Variants in TSPAN17 observed in about 807,000 individuals in gnomAD.
TSPAN17 encodes tetraspanin 17.
Under a neutral mutation model 40.5 loss-of-function variants are expected in TSPAN17, and 33 were observed. That is an observed-to-expected ratio of 0.81 (90% CI 0.62 to 1.09). The LOEUF is 1.09. TSPAN17 is among the 50% of genes least tolerant of loss of function. The pLI, the probability that TSPAN17 is intolerant of heterozygous loss-of-function variation, is 0.00. For missense variants in TSPAN17, 365 were observed against 416.8 expected (o/e 0.88, Z 1.08); for synonymous variants, 166 against 169.4 (o/e 0.98, Z 0.15).
chr5:176,658,856 C>T lies in TSPAN17; in HGVS notation c.*1158C>T, dbSNP rs1400562237. 2 of 152,292 alleles carry T rather than the reference C, an allele frequency of 1.3e-5. No homozygotes were observed. The highest frequency in any genetic ancestry group is 4.8e-5 in the African/African-American group (2 of 41,480). The allele number at this position is 152,292 out of a possible 1,614,324, so 9.4% of individuals were successfully genotyped here. A position where few individuals can be genotyped will look rare whatever the true frequency, so the allele number is the denominator to read the frequency against. ...GCTTTGGCCCCATGCCCCTGTAGGT[C>T]CCTCTGGGACAGTCACCGCTGGGGT... On this transcript the variant is annotated 3_prime_UTR_variant, in exon 9 of 9. Transcript: ENST00000508164.
Position 176,656,824 on chromosome 5 carries a change from T to C in TSPAN17, c.747+8T>C. The stretch of plus-strand genomic sequence containing the variant: ...GGCATCGCCCTCCTCCAGGTACCCT[T>C]GTGGCCCCACGTGCCCCTCCCCTTG... On this transcript the variant is annotated splice_region_variant and intron_variant, in intron 7 of 8. Transcript: ENST00000508164. 1 of 1,614,182 alleles carries C rather than the reference T, an allele frequency of 6.2e-7. No individual in the cohort carries two copies. Among genetic ancestry groups the C allele is most frequent in the Non-Finnish European group, 8.5e-7 (1 of 1,180,000 alleles).
Position 176,656,203 on chromosome 5 carries a change from T to C in TSPAN17, c.630+78T>C, listed in dbSNP as rs1761151138. 6 of 1,471,840 alleles carry C rather than the reference T, an allele frequency of 4.1e-6. No homozygotes were observed. The South Asian group carries it at 7.2e-5, about 18-fold the overall frequency. The allele number at this position is 1,471,840 out of a possible 1,614,324, so 91.2% of individuals were successfully genotyped here. A position where few individuals can be genotyped will look rare whatever the true frequency, so the allele number is the denominator to read the frequency against. ...GTATGAGAGTGTCTATAACCTCCTC[T>C]GGAAGGCCTCAGGGATTCTTTGGGG... is the stretch of plus-strand genomic sequence containing the variant. On this transcript the variant is annotated intron_variant, in intron 6 of 8. Transcript: ENST00000508164.
chr5:176,657,635 C>T lies in TSPAN17; in HGVS notation c.927C>T (p.Pro309=). Residue 309 remains proline, a synonymous_variant, in exon 9 of 9, where the codon CCC becomes CCT. Coordinates refer to ENST00000508164, the MANE Select transcript of TSPAN17 (RefSeq NM_130465.5). ...SLTGAPGPAP[P]SRHVFFGLGG... Reference sequence around the variant, plus strand: ...CTGGGGCCCCTGGCCCGGCCCCACCCAGCCGACATGTTTTCTTTGGCCTGG... The same window carrying T: ...CTGGGGCCCCTGGCCCGGCCCCACCTAGCCGACATGTTTTCTTTGGCCTGG... 7 of 1,612,504 alleles carry T rather than the reference C, an allele frequency of 4.3e-6. No homozygotes were observed. The highest frequency in any genetic ancestry group is 5.9e-6 in the Non-Finnish European group (7 of 1,179,690).
Position 176,657,462 on chromosome 5 carries a change from G to A in TSPAN17, c.810-56G>A, listed in dbSNP as rs1047879757. 4 of 1,549,852 alleles carry A rather than the reference G, an allele frequency of 2.6e-6. No individual in the cohort carries two copies. The African/African-American group carries it at 5.5e-5, about 21-fold the overall frequency. ...CTGCCAGGAACCCACCTCAGCCTCA[G>A]TGTCCCAGACTCTGAAATGGGTCCA... On this transcript the variant is annotated intron_variant, in intron 8 of 8. Transcript: ENST00000508164.
Position 176,651,088 on chromosome 5 carries a change from C to T in TSPAN17, c.88-528C>T, listed in dbSNP as rs949057207. ...TTCCTGTCATTCAGGGGTGTCTGGT[C>T]GTGAGCCGTGGAAGCTGACTCTGGC... On this transcript the variant is annotated intron_variant, in intron 1 of 8. Transcript: ENST00000508164. This position sits in a 1 kb window ranked among gnomAD's most constrained non-coding sequence, Gnocchi z 4.5. 6.6e-6 allele frequency among the ~76,000 whole-genome samples: 1 copy of T among 151,908 alleles called. No homozygotes were observed. The highest frequency in any genetic ancestry group is 1.5e-5 in the Non-Finnish European group (1 of 67,982).
At chr5:176,652,376 C>A (rs1419410546) in intron 3 of TSPAN17, among the ~76,000 whole-genome samples, 1 of 152,148 alleles carries the variant, frequency 6.6e-6, no homozygotes, top group African/African-American at 2.4e-5. Context: ...TGGACCAATC[C>A]CTGGAGGCCG....
rs527807721 is a variant in TSPAN17, at chr5:176,658,578, G to A, written c.*880G>A. ...GAGAGAAAGTTCGCACAATCTAGTC[G>A]GTAACAGCCACTTTCCTTGAGACCA... is the stretch of plus-strand genomic sequence containing the variant. On this transcript the variant is annotated 3_prime_UTR_variant, in exon 9 of 9. Transcript: ENST00000508164. 2 of 152,358 alleles carry A rather than the reference G, an allele frequency of 1.3e-5. No individual in the cohort carries two copies. The highest frequency in any genetic ancestry group is 2.1e-4 in the South Asian group (1 of 4,828). The allele number at this position is 152,358 out of a possible 1,614,324, so 9.4% of individuals were successfully genotyped here.
chr5:176,648,462 T>C (rs537934512), intron 1 of TSPAN17, among the ~76,000 whole-genome samples: 1 of 152,344 alleles, frequency 6.6e-6, no homozygotes, highest in African/African-American at 2.4e-5. Flanking sequence ...AGGTCATTTT[T>C]CCCATCTCTC....
chr5:176,656,391 G>A (rs1761158104), intron 6 of TSPAN17, among the ~76,000 whole-genome samples: 1 of 152,258 alleles, frequency 6.6e-6, no homozygotes, highest in Non-Finnish European at 1.5e-5. Context: ...TCATGAGACA[G>A]TCGGCTCTGG....
intron 6 of TSPAN17, among the ~76,000 whole-genome samples, 162 bp from the exon 7 acceptor site, chr5:176,656,538 C>T (rs113333901): frequency 5.3e-4 from 80 of 152,284 alleles, no homozygotes; most frequent in African/African-American, 1.9e-3. Context: ...GGGCGTGCAT[C>T]TGTGCTGAGA....
Position 176,651,125 on chromosome 5 carries a change from A to T in TSPAN17, c.88-491A>T, listed in dbSNP as rs1367001811. On this transcript the variant is annotated intron_variant, in intron 1 of 8. Transcript: ENST00000508164. This position sits in a 1 kb window ranked among gnomAD's most constrained non-coding sequence, Gnocchi z 4.5. ...AAGCTGACTCTGGCAGGCGGAGGTT[A>T]AAGGGGTAGGATGGGGCTGGGCTGG... is the stretch of plus-strand genomic sequence containing the variant. Among the ~76,000 whole-genome samples, 1 of 152,114 alleles carries T rather than the reference A, an allele frequency of 6.6e-6. No homozygotes were observed. Among genetic ancestry groups the T allele is most frequent in the African/African-American group, 2.4e-5 (1 of 41,432 alleles).
At position 176,650,191 on chromosome 5, in the gene TSPAN17, C is replaced by T. The variant is rs1282391088; in HGVS notation, c.88-1425C>T. Among the ~76,000 whole-genome samples the T allele has an allele frequency of 1.3e-5, 2 of 152,054 alleles. No individual in the cohort carries two copies. Among genetic ancestry groups the T allele is most frequent in the African/African-American group, 4.8e-5 (2 of 41,398 alleles). On this transcript the variant is annotated intron_variant, in intron 1 of 8. Coordinates refer to ENST00000508164, the MANE Select transcript of TSPAN17 (RefSeq NM_130465.5). The surrounding 1 kb of genome is among the most constrained non-coding windows in gnomAD (Gnocchi z 4.0). ...GCGGGTGGACGTAGGGGTGTGGGAC[C>T]AGCATGAGGTCTGGGTGGGGATCGG...
intron 1 of TSPAN17, among the ~76,000 whole-genome samples, chr5:176,649,384 G>A (rs1760873691): frequency 6.6e-6 from 1 of 151,670 alleles, no homozygotes; most frequent in Non-Finnish European, 1.5e-5. Flanking sequence ...GGCAGACCCT[G>A]GTGTTGTTCT....
rs972757800 is a variant in TSPAN17 at position 176,651,232 on chromosome 5, G to A, written c.88-384G>A. On this transcript the variant is annotated intron_variant, in intron 1 of 8. Transcript: ENST00000508164. This position sits in a 1 kb window ranked among gnomAD's most constrained non-coding sequence, Gnocchi z 4.5. ...GGACTTGGCAGGGTGCAGAAAGGAG[G>A]CTAGGAGCCTGGAACCCCAGCACCA... Among the ~76,000 whole-genome samples the A allele has an allele frequency of 3.9e-5, 6 of 152,140 alleles. No homozygotes were observed. The highest frequency in any genetic ancestry group is 1.4e-4 in the African/African-American group (6 of 41,422).
chr5:176,652,337 G>C (rs1296855132), intron 3 of TSPAN17, among the ~76,000 whole-genome samples: 3 of 152,180 alleles, frequency 2.0e-5, no homozygotes, highest in Non-Finnish European at 4.4e-5. Context: ...TGCTTTAATT[G>C]CGTTTCCTTG....
Position 176,656,876 on chromosome 5 carries a change from C to T in TSPAN17, c.748-19C>T, listed in dbSNP as rs1761176155. ...CGGGGCCGCCCTCACTCTCCCCTCACCTGTCCTCTGTCTTACAGATCTTTG... is the reference window on the plus strand; with the variant it reads ...CGGGGCCGCCCTCACTCTCCCCTCATCTGTCCTCTGTCTTACAGATCTTTG... On this transcript the variant is annotated intron_variant, in intron 7 of 8. Coordinates refer to ENST00000508164, the MANE Select transcript of TSPAN17 (RefSeq NM_130465.5). The T allele has an allele frequency of 2.5e-6, 4 of 1,614,220 alleles. No individual in the cohort carries two copies. The highest frequency in any genetic ancestry group is 1.1e-5 in the South Asian group (1 of 91,078).
At chr5:176,655,379 A>G (rs1761113860) in intron 5 of TSPAN17, among the ~76,000 whole-genome samples, 1 of 152,110 alleles carries the variant, frequency 6.6e-6, no homozygotes, top group African/African-American at 2.4e-5. Flanking sequence ...GTTGTATGTG[A>G]CGGGGGTTGC....
intron 1 of TSPAN17, among the ~76,000 whole-genome samples, chr5:176,648,184 C>T (rs576848257): frequency 6.6e-6 from 1 of 152,320 alleles, no homozygotes; most frequent in East Asian, 1.9e-4. Flanking sequence ...CCTTAGGCTC[C>T]TGCAGAGTGG....
At chr5:176,655,959 G>A in intron 5 of TSPAN17, 119 bp from the exon 6 acceptor site, 4 of 896,642 alleles carry the variant, frequency 4.5e-6, no homozygotes, top group Non-Finnish European at 7.5e-6. Flanking sequence ...GGTGGACACG[G>A]CAGAATCCAC....
Sources: gnomAD v4.1 joint callset for allele counts (sites outside exome capture counted in the v4.1 genomes callset) on GRCh38, gnomAD v4.1.1 for gene constraint, Gnocchi (gnomAD v3.1) non-coding constraint, MANE v1.5 for transcripts, NCBI Gene and HGNC (gene_info 2026-07-23, HGNC 2026-07-21) for gene names.